Variants in RAPGEF5 observed in about 807,000 individuals in gnomAD.
RAPGEF5 encodes the protein Rap guanine nucleotide exchange factor 5.
Under a neutral mutation model 125.2 loss-of-function variants are expected in RAPGEF5, and 65 were observed. That is an observed-to-expected ratio of 0.52 (90% CI 0.43 to 0.64). The LOEUF is 0.64. Ranked by LOEUF, RAPGEF5 falls within the 30% of genes least tolerant of loss-of-function variation. The probability of loss-of-function intolerance (pLI) is 0.00; values close to 1 mark genes in which losing one functional copy is unlikely to be tolerated. For synonymous variants in RAPGEF5, 391 were observed against 385.9 expected (o/e 1.01, Z -0.16); for missense variants, 958 against 1,048.1 (o/e 0.91, Z 1.19).
rs753557882 is a variant in RAPGEF5 at position 22,146,919 on chromosome 7, C to T, written c.1985G>A (p.Ser662Asn). The T allele has an allele frequency of 2.5e-6, 4 of 1,613,366 alleles. No homozygotes were observed. The highest frequency in any genetic ancestry group is 1.7e-5 in the Admixed American group (1 of 59,860). Residue 662 changes from serine to asparagine, a missense_variant, in exon 19 of 26, where the codon AGT becomes AAT. Transcript: ENST00000665637. ...LALELMNFDW[S>N]LFNSIHEQEL... Reference sequence around the variant, plus strand: ...TACCTCGTGAATTGAATTGAATAGACTCCAATCAAAATTCATTAATTCCAG... The same window carrying T: ...TACCTCGTGAATTGAATTGAATAGATTCCAATCAAAATTCATTAATTCCAG...
At chr7:22,356,795 G>T in intron 1 of RAPGEF5, 35 bp downstream of exon 1, 1 of 1,116,880 alleles carries the variant, frequency 9.0e-7, no homozygotes, top group Non-Finnish European at 1.1e-6. Context: ...CGTGCGCGCC[G>T]CCCGTGCCCA....
At chr7:22,335,692 A>C (rs1268625731) in intron 1 of RAPGEF5, among the ~76,000 whole-genome samples, 9 of 71,964 alleles carry the variant, frequency 1.3e-4, no homozygotes, top group South Asian at 1.1e-3. Context: ...AGAAACAAGC[A>C]AAAAAAAAAA....
At chr7:22,322,760 C>G (rs1254003663) in intron 1 of RAPGEF5, among the ~76,000 whole-genome samples, 4 of 152,278 alleles carry the variant, frequency 2.6e-5, no homozygotes, top group Non-Finnish European at 5.9e-5. Flanking sequence ...ACAAATAAAA[C>G]AGGTACTAAG....
chr7:22,120,469 T>G lies in RAPGEF5; in HGVS notation c.*1937A>C, dbSNP rs1323489230. 2 of 152,654 alleles carry G rather than the reference T, an allele frequency of 1.3e-5. No individual in the cohort carries two copies. Among genetic ancestry groups the G allele is most frequent in the African/African-American group, 4.8e-5 (2 of 41,452 alleles). The allele number at this position is 152,654 out of a possible 1,614,324, so 9.5% of individuals were successfully genotyped here. ...CACAGAAACAATGTCAGGATGGCCT[T>G]ATATGATTACACTGGCCAAACCTTA... On this transcript the variant is annotated 3_prime_UTR_variant, in exon 26 of 26. Coordinates refer to ENST00000665637, the MANE Select transcript of RAPGEF5 (RefSeq NM_012294.5). This position sits in a 1 kb window ranked among gnomAD's most constrained non-coding sequence, Gnocchi z 4.0.
rs1310671773 is a variant in RAPGEF5, at chr7:22,138,018, C to G, written c.2278-1035G>C. Among the ~76,000 whole-genome samples the G allele has an allele frequency of 2.0e-5, 3 of 151,534 alleles. No homozygotes were observed. The East Asian group carries it at 5.8e-4, about 29-fold the overall frequency. ...TCTGTTTGGAAACTACACACACACACACACACACACACACACGCACGCACG... is the reference window on the plus strand; with the variant it reads ...TCTGTTTGGAAACTACACACACACAGACACACACACACACACGCACGCACG... On this transcript the variant is annotated intron_variant, in intron 21 of 25. Transcript: ENST00000665637.
At chr7:22,170,639 C>T (rs966833009) in intron 11 of RAPGEF5, among the ~76,000 whole-genome samples, 4 of 152,174 alleles carry the variant, frequency 2.6e-5, no homozygotes, top group African/African-American at 9.7e-5. Context: ...TCCAGAACAA[C>T]CTTAGATAAT....
chr7:22,306,833 T>C (rs1783353630), intron 5 of RAPGEF5, among the ~76,000 whole-genome samples: 1 of 152,200 alleles, frequency 6.6e-6, no homozygotes, highest in African/African-American at 2.4e-5. Flanking sequence ...GTGCATGTCT[T>C]GGCACCTTGT....
chr7:22,277,669 C>T (rs1782588229), intron 6 of RAPGEF5, among the ~76,000 whole-genome samples: 1 of 152,136 alleles, frequency 6.6e-6, no homozygotes, highest in Non-Finnish European at 1.5e-5. Flanking sequence ...CTGGTTGTCA[C>T]CCGGAAGCTG....
At chr7:22,233,597 A>G (rs1024396305) in intron 7 of RAPGEF5, among the ~76,000 whole-genome samples, 1 of 152,130 alleles carries the variant, frequency 6.6e-6, no homozygotes, top group African/African-American at 2.4e-5. Flanking sequence ...CAGTTGCACG[A>G]TCATGCCTCA....
chr7:22,195,196 G>GA (rs549496821), intron 9 of RAPGEF5, among the ~76,000 whole-genome samples: 5 of 151,896 alleles, frequency 3.3e-5, no homozygotes, highest in African/African-American at 1.2e-4. Context: ...CCCCAACAGA[G>GA]AAAAAAATAT....
intron 25 of RAPGEF5, among the ~76,000 whole-genome samples, chr7:22,122,723 G>T (rs1355433327): frequency 6.6e-6 from 1 of 152,168 alleles, no homozygotes; most frequent in Non-Finnish European, 1.5e-5. Flanking sequence ...AATCAGACTG[G>T]CAGGATACTT....
intron 23 of RAPGEF5, among the ~76,000 whole-genome samples, chr7:22,132,486 T>C (rs1782944532): frequency 6.6e-6 from 1 of 152,246 alleles, no homozygotes. Context: ...TTTTGAAATT[T>C]TGCTTGCAGA....
At chr7:22,179,805 T>C (rs1438033140) in intron 11 of RAPGEF5, among the ~76,000 whole-genome samples, 1 of 152,222 alleles carries the variant, frequency 6.6e-6, no homozygotes, top group Non-Finnish European at 1.5e-5. Flanking sequence ...TATGACAATT[T>C]ACAAATGCCA....
intron 2 of RAPGEF5, among the ~76,000 whole-genome samples, chr7:22,316,489 A>ATT (rs1174593478): frequency 0.011 from 538 of 50,542 alleles, 7 homozygotes; most frequent in Admixed American, 0.014. Flanking sequence ...ATATATATAT[A>ATT]TTTTTTTTTT....
chr7:22,246,497 A>G (rs752327860), intron 7 of RAPGEF5, among the ~76,000 whole-genome samples: 6 of 152,198 alleles, frequency 3.9e-5, no homozygotes, highest in Non-Finnish European at 8.8e-5. Flanking sequence ...CTATTCAATG[A>G]ATGGTGCTGG....
chr7:22,301,058 A>G (rs1352282762), intron 5 of RAPGEF5, among the ~76,000 whole-genome samples: 2 of 152,048 alleles, frequency 1.3e-5, no homozygotes, highest in South Asian at 2.1e-4. Context: ...TCACTTCTCC[A>G]AAGTTTCACT....
At chr7:22,341,594 C>G (rs369343367) in intron 1 of RAPGEF5, among the ~76,000 whole-genome samples, 1 of 152,180 alleles carries the variant, frequency 6.6e-6, no homozygotes, top group East Asian at 1.9e-4. Flanking sequence ...TAGTTACTTC[C>G]TAAATACAAC....
At chr7:22,132,662 C>A (rs3823666) in intron 23 of RAPGEF5, among the ~76,000 whole-genome samples, 127,356 of 152,094 alleles carry the variant, frequency 0.84, 53,933 homozygotes, top group Admixed American at 0.91. Context: ...CCAGATTCCA[C>A]ACAGCTTCTC....
intron 9 of RAPGEF5, among the ~76,000 whole-genome samples, chr7:22,215,323 A>T (rs1362159): frequency 2.6e-5 from 4 of 152,202 alleles, no homozygotes; most frequent in Non-Finnish European, 4.4e-5. Flanking sequence ...CTCTTCTTCA[A>T]TGTGGATTCT....
Sources: allele counts gnomAD v4.1 joint callset (sites outside exome capture counted in the v4.1 genomes callset), GRCh38; gene constraint gnomAD v4.1.1; non-coding constraint Gnocchi (gnomAD v3.1); transcripts MANE v1.5; gene names NCBI Gene and HGNC (gene_info 2026-07-23, HGNC 2026-07-21).